SPEF2: variants seen among roughly 807,000 people sequenced by gnomAD.
The protein encoded by SPEF2 is sperm flagellar and cilia associated 2, also known as sperm flagella and cilia-associated protein 2.
A neutral mutation model predicts 224.6 loss-of-function variants in SPEF2; 187 were observed. The observed-to-expected ratio is 0.83, with a 90% CI of 0.74 to 0.94. SPEF2 has a LOEUF of 0.94. Among genes scored for constraint, SPEF2 ranks in the 40% least tolerant of loss-of-function variants. SPEF2 has a pLI of 0.00. For synonymous variants in SPEF2, 715 were observed against 707.3 expected (o/e 1.01, Z -0.17); for missense variants, 2,170 against 2,135.6 (o/e 1.02, Z -0.32).
At chr5:35,634,720 T>C (rs369672896) in intron 2 of SPEF2, among the ~76,000 whole-genome samples, 2 of 152,192 alleles carry the variant, frequency 1.3e-5, no homozygotes, top group South Asian at 4.1e-4. Context: ...AGTTTTAGAT[T>C]TACAGAAAAA....
Position 35,667,351 on chromosome 5 carries a change from G to C in SPEF2, c.1355+92G>C, listed in dbSNP as rs545078086. On this transcript the variant is annotated intron_variant, in intron 9 of 36. Transcript: ENST00000356031. ...TAGATACTAGGATGATAAGTAAAGA[G>C]AGATAAAAATGATTCATGAAAAGAC... 32 of 1,150,280 alleles carry C rather than the reference G, an allele frequency of 2.8e-5. No homozygotes were observed. The Admixed American group carries it at 8.0e-4, about 29-fold the overall frequency. The allele number at this position is 1,150,280 out of a possible 1,614,324, so 71.3% of individuals were successfully genotyped here. A position where few individuals can be genotyped will look rare whatever the true frequency, so the allele number is the denominator to read the frequency against.
At position 35,807,659 on chromosome 5, in the gene SPEF2, G is replaced by A. The variant is rs868596041; in HGVS notation, c.5379+406G>A. On this transcript the variant is annotated intron_variant, in intron 36 of 36. Coordinates refer to ENST00000356031, the MANE Select transcript of SPEF2 (RefSeq NM_024867.4). ...GCAAGGTACACATCATCTATGTAGT[G>A]GAAATGATAGTGTGTGCAAAAGGTT... 2.6e-6 allele frequency: 4 copies of A among 1,535,846 alleles called. No individual in the cohort carries two copies. The African/African-American group carries it at 4.1e-5, about 16-fold the overall frequency.
intron 9 of SPEF2, among the ~76,000 whole-genome samples, chr5:35,668,293 T>C (rs898139135): frequency 6.6e-6 from 1 of 152,100 alleles, no homozygotes; most frequent in Admixed American, 6.6e-5. Context: ...GTGTGATACA[T>C]CCGTATCATG....
chr5:35,801,529 C>T (rs564598092), intron 34 of SPEF2, among the ~76,000 whole-genome samples: 7 of 152,074 alleles, frequency 4.6e-5, no homozygotes, highest in Admixed American at 4.6e-4. Flanking sequence ...AAAAAAAATT[C>T]CCAAATAAGT....
chr5:35,742,059 C>T (rs1436009990), intron 23 of SPEF2, among the ~76,000 whole-genome samples: 1 of 152,152 alleles, frequency 6.6e-6, no homozygotes, highest in Admixed American at 6.5e-5. Flanking sequence ...GTTGTTTTTA[C>T]AAAAATTTGA....
At chr5:35,778,966 T>C in intron 29 of SPEF2, 151 bp from the exon 30 acceptor site, 1 of 513,022 alleles carries the variant, frequency 1.9e-6, no homozygotes, top group Non-Finnish European at 3.3e-6. Flanking sequence ...CAAAATAGAT[T>C]TGGGGACAAA....
At chr5:35,786,564 A>C (rs1383554266) in intron 30 of SPEF2, among the ~76,000 whole-genome samples, 2 of 152,110 alleles carry the variant, frequency 1.3e-5, no homozygotes, top group Non-Finnish European at 2.9e-5. Context: ...AGAGGCTGAG[A>C]CAGGAGAATT....
intron 29 of SPEF2, 95 bp downstream of exon 29, chr5:35,776,490 T>G: frequency 7.0e-7 from 1 of 1,423,838 alleles, no homozygotes; most frequent in Non-Finnish European, 9.5e-7. Flanking sequence ...TTTAAGTTAG[T>G]TACAAATATA....
chr5:35,625,766 C>T (rs1744146467), intron 1 of SPEF2, among the ~76,000 whole-genome samples: 2 of 152,110 alleles, frequency 1.3e-5, no homozygotes, highest in South Asian at 4.2e-4. Context: ...CTAGAGCACC[C>T]TGGGTGGCAC....
At chr5:35,618,187 C>T (rs544491927) in intron 1 of SPEF2, 132 bp downstream of exon 1, 3 of 928,386 alleles carry the variant, frequency 3.2e-6, no homozygotes, top group South Asian at 1.5e-5. Context: ...GCGTAGCCGG[C>T]AGCATCCCAC....
At position 35,625,691 on chromosome 5, in the gene SPEF2, T is replaced by C. The variant is rs1020583001; in HGVS notation, c.59-2769T>C. On this transcript the variant is annotated intron_variant, in intron 1 of 36. Coordinates refer to ENST00000356031, the MANE Select transcript of SPEF2 (RefSeq NM_024867.4). The stretch of plus-strand genomic sequence containing the variant: ...AACTAAGGGAAGAATAGGGATAGGC[T>C]AGGGAGGAGAGAAGGGAAGAGGCAG... Among the ~76,000 whole-genome samples the C allele has an allele frequency of 4.6e-5, 7 of 151,898 alleles. 1 individual carries two copies. The highest frequency in any genetic ancestry group is 1.2e-4 in the African/African-American group (5 of 41,344).
intron 10 of SPEF2, among the ~76,000 whole-genome samples, chr5:35,688,170 G>T (rs1753929212): frequency 6.6e-6 from 1 of 152,160 alleles, no homozygotes; most frequent in Non-Finnish European, 1.5e-5. Flanking sequence ...AGCAGTTCAG[G>T]TTATAGCTGC....
Position 35,628,478 on chromosome 5 carries a change from A to G in SPEF2, c.77A>G (p.Lys26Arg), listed in dbSNP as rs1309975916. The change falls in exon 2 of 37, where the codon AAG becomes AGG. Residue 26 changes from lysine to arginine, a missense_variant. Coordinates refer to ENST00000356031, the MANE Select transcript of SPEF2 (RefSeq NM_024867.4). ...AACTCAGGTCCCAAGTCATTTGCAAAGGCATTTTCCAGTGGCTATCTACTT... is the reference window on the plus strand; with the variant it reads ...AACTCAGGTCCCAAGTCATTTGCAAGGGCATTTTCCAGTGGCTATCTACTT... ...SRTVSPKSFA[K>R]AFSSGYLLGE... is the part of the protein sequence containing the mutation. 6.2e-7 allele frequency: 1 copy of G among 1,613,634 alleles called. No individual in the cohort carries two copies. The highest frequency in any genetic ancestry group is 1.7e-5 in the Admixed American group (1 of 59,982).
chr5:35,646,536 C>A, intron 4 of SPEF2, 131 bp from the exon 5 acceptor site: 2 of 768,500 alleles, frequency 2.6e-6, no homozygotes, highest in South Asian at 2.2e-5. Context: ...GTTGTGACAC[C>A]TAGTCTCTTG....
At chr5:35,629,382 C>T (rs889565027) in intron 2 of SPEF2, among the ~76,000 whole-genome samples, 11 of 151,780 alleles carry the variant, frequency 7.2e-5, no homozygotes, top group African/African-American at 2.7e-4. Flanking sequence ...TGGTCTCGAT[C>T]TCCTGACCTC....
chr5:35,717,702 G>A (rs1742851194), intron 20 of SPEF2, among the ~76,000 whole-genome samples: 1 of 152,106 alleles, frequency 6.6e-6, no homozygotes, highest in South Asian at 2.1e-4. Flanking sequence ...TTTCCACACA[G>A]GAAAAGGAGG....
rs778221733 is a variant in SPEF2 at position 35,708,970 on chromosome 5, G to A, written c.2688G>A (p.Lys896=). 6.2e-7 allele frequency: 1 copy of A among 1,611,240 alleles called. No homozygotes were observed. Among genetic ancestry groups the A allele is most frequent in the African/African-American group, 1.3e-5 (1 of 74,570 alleles). Residue 896 remains lysine, a synonymous_variant, in exon 19 of 37, where the codon AAG becomes AAA. Transcript: ENST00000356031. ...AAGTTGAGAAGAAATTAGAAGAAAA[G>A]GAAGCTGAGAAAAAAGCAGCAGCTT... ...KNKVEKKLEE[K]EAEKKAAASL...
At chr5:35,638,272 C>G (rs1746113786) in intron 2 of SPEF2, among the ~76,000 whole-genome samples, 1 of 152,036 alleles carries the variant, frequency 6.6e-6, no homozygotes, top group African/African-American at 2.4e-5. Flanking sequence ...ACTCATATCT[C>G]TAGGTATGAT....
intron 30 of SPEF2, among the ~76,000 whole-genome samples, chr5:35,785,569 G>A (rs1388977513): frequency 6.7e-6 from 1 of 149,882 alleles, no homozygotes; most frequent in Non-Finnish European, 1.5e-5. Flanking sequence ...TTTTAAGATG[G>A]GGTCTCACTC....
Sources: allele counts gnomAD v4.1 joint callset (sites outside exome capture counted in the v4.1 genomes callset), GRCh38; gene constraint gnomAD v4.1.1; transcripts MANE v1.5; gene names NCBI Gene and HGNC (gene_info 2026-07-23, HGNC 2026-07-21).